Variants in CHRDL2 observed in about 807,000 individuals in gnomAD.
CHRDL2 encodes chordin-like protein 2.
Under a neutral mutation model 54.3 loss-of-function variants are expected in CHRDL2, and 41 were observed. That is an observed-to-expected ratio of 0.76 (90% CI 0.59 to 0.98). CHRDL2 has a LOEUF of 0.98. CHRDL2 is among the 50% of genes least tolerant of loss of function. The pLI, the probability that CHRDL2 is intolerant of heterozygous loss-of-function variation, is 0.00. For missense variants in CHRDL2, 518 were observed against 562.4 expected, an observed-to-expected ratio of 0.92 and a Z score of 0.80; for synonymous variants, 220 against 224.3, an observed-to-expected ratio of 0.98 and a Z score of 0.17.
At chr11:74,725,277 C>T (rs141571332) in intron 1 of CHRDL2, among the ~76,000 whole-genome samples, 2 of 152,316 alleles carry the variant, frequency 1.3e-5, no homozygotes, top group African/African-American at 4.8e-5. Context: ...AGGCGGGAGC[C>T]ACCACGCCCA....
intron 4 of CHRDL2, 103 bp from the exon 5 acceptor site, chr11:74,708,498 T>G: frequency 3.6e-6 from 3 of 825,786 alleles, no homozygotes; most frequent in Non-Finnish European, 5.5e-6. Flanking sequence ...TTGAGGTCTC[T>G]CCTATGGTGG....
intron 1 of CHRDL2, among the ~76,000 whole-genome samples, chr11:74,723,636 TC>T (rs2034529969): frequency 6.6e-6 from 1 of 152,202 alleles, no homozygotes; most frequent in Admixed American, 6.5e-5. Context: ...AAATAAGGGT[TC>T]CTTGAACACA....
intron 5 of CHRDL2, among the ~76,000 whole-genome samples, chr11:74,707,083 C>T (rs1310421422): frequency 2.0e-5 from 3 of 152,304 alleles, no homozygotes; most frequent in South Asian, 4.1e-4. Flanking sequence ...CACACAAAGC[C>T]GTTTGGAGCC....
At chr11:74,728,693 C>T (rs977066912) in intron 1 of CHRDL2, among the ~76,000 whole-genome samples, 1 of 152,116 alleles carries the variant, frequency 6.6e-6, no homozygotes, top group Non-Finnish European at 1.5e-5. Flanking sequence ...TTGTTCTTTT[C>T]TTTAATAAAT....
In CHRDL2 at chr11:74,708,403, A is replaced by G. The variant is rs747793399; in HGVS notation, c.433-8T>C. 1.0e-5 allele frequency: 16 copies of G among 1,561,602 alleles called. No homozygotes were observed. The East Asian group carries it at 3.9e-4, about 38-fold the overall frequency. ...GCAGTAGATCTGGCCCTCCTGACAGATAGAGCAAACCAGCTGGGAAATGAG... is the reference window on the plus strand; with the variant it reads ...GCAGTAGATCTGGCCCTCCTGACAGGTAGAGCAAACCAGCTGGGAAATGAG... On this transcript the variant is annotated splice_polypyrimidine_tract_variant and splice_region_variant and intron_variant, in intron 4 of 10. Coordinates refer to ENST00000376332, the MANE Select transcript of CHRDL2 (RefSeq NM_001278473.3).
chr11:74,729,949 T>A (rs2034626766), intron 1 of CHRDL2, among the ~76,000 whole-genome samples: 1 of 152,202 alleles, frequency 6.6e-6, no homozygotes, highest in Admixed American at 6.5e-5. Flanking sequence ...TGGAAAAGCA[T>A]AATTGGGAAC....
chr11:74,714,578 A>C (rs1279503295), intron 2 of CHRDL2, among the ~76,000 whole-genome samples: 1 of 152,238 alleles, frequency 6.6e-6, no homozygotes, highest in African/African-American at 2.4e-5. Flanking sequence ...CAAGATGGCC[A>C]GAGGTAATCG....
chr11:74,710,019 A>C (rs2034134127), intron 4 of CHRDL2, among the ~76,000 whole-genome samples: 1 of 152,122 alleles, frequency 6.6e-6, no homozygotes, highest in Non-Finnish European at 1.5e-5. Flanking sequence ...GATCGAGACC[A>C]TCCTGGCTAA....
In CHRDL2 at chr11:74,704,603, C is replaced by A. The variant is rs753372609; in HGVS notation, c.634G>T (p.Gly212Cys). ...CTGAGGCCAGTGGGGGCTGGGGTGC[C>A]CGGGCCTCTCTTTCTCCCAGCATCA... ...SSDAGRKRGP[G>C]TPAPTGLSAP... The change falls in exon 7 of 11, where the codon GGC (glycine) becomes TGC (cysteine). Residue 212 changes from glycine to cysteine, a missense_variant. Transcript: ENST00000376332. 3 of 1,602,492 alleles carry A rather than the reference C, an allele frequency of 1.9e-6. No individual in the cohort carries two copies. In the South Asian group the frequency reaches 3.4e-5, roughly 18 times the overall value.
In CHRDL2 at chr11:74,706,034, C is replaced by A. The variant is rs115073785; in HGVS notation, c.582+453G>T. Among the ~76,000 whole-genome samples, 517 of 152,236 alleles carry A rather than the reference C, an allele frequency of 3.4e-3. 3 individuals are homozygous for A. The highest frequency in any genetic ancestry group is 9.9e-3 in the African/African-American group (412 of 41,528). Reference sequence around the variant, plus strand: ...AGCTGTCCAGCTAAGCCCATCTTAACCTAGACCAAGCTTGAGAGGGGCCAA... The same window carrying A: ...AGCTGTCCAGCTAAGCCCATCTTAAACTAGACCAAGCTTGAGAGGGGCCAA... On this transcript the variant is annotated intron_variant, in intron 6 of 10. Coordinates refer to ENST00000376332, the MANE Select transcript of CHRDL2 (RefSeq NM_001278473.3).
chr11:74,703,071 A>G (rs986381222), intron 8 of CHRDL2, 104 bp from the exon 9 acceptor site: 1 of 1,208,278 alleles, frequency 8.3e-7, no homozygotes. Flanking sequence ...CCGGAACATT[A>G]CTGATTCTAT....
chr11:74,725,531 AAAATTTCC>A (rs1193787291), intron 1 of CHRDL2, among the ~76,000 whole-genome samples: 1 of 152,238 alleles, frequency 6.6e-6, no homozygotes, highest in African/African-American at 2.4e-5. Flanking sequence ...CGCATAAGTC[AAAATTTCC>A]AAACTGTCTC....
Position 74,702,890 on chromosome 11 carries a change from T to C in CHRDL2, c.1024A>G (p.Thr342Ala). The C allele has an allele frequency of 6.2e-7, 1 of 1,614,160 alleles. No homozygotes were observed. Among genetic ancestry groups the C allele is most frequent in the African/African-American group, 1.3e-5 (1 of 75,036 alleles). ...TTGTCTGGGCTTGGGGATACCGATG[T>C]GTGGACGAGGACCCGGCCCGGTGCC... ...PKAPGRVLVHTSVSPSPDNLR... is the reference protein window; with the variant it reads ...PKAPGRVLVHASVSPSPDNLR... Residue 342 changes from threonine (T) to alanine (A), a missense_variant, in exon 9 of 11, where the codon ACA becomes GCA. Transcript: ENST00000376332.
At chr11:74,729,413 G>A (rs1162708658) in intron 1 of CHRDL2, among the ~76,000 whole-genome samples, 1 of 152,214 alleles carries the variant, frequency 6.6e-6, no homozygotes, top group Non-Finnish European at 1.5e-5. Flanking sequence ...AGACAGATTA[G>A]GAAATTGAGG....
intron 1 of CHRDL2, among the ~76,000 whole-genome samples, chr11:74,728,241 T>TA (rs1196102821): frequency 6.6e-6 from 1 of 152,204 alleles, no homozygotes; most frequent in African/African-American, 2.4e-5. Flanking sequence ...AGGAGCCTGA[T>TA]ACCACACAGA....
rs776736799 is a variant in CHRDL2 at position 74,696,575 on chromosome 11, G to A, written c.1224C>T (p.Asn408=). The A allele has an allele frequency of 8.1e-6, 13 of 1,613,644 alleles. No individual in the cohort carries two copies. The highest frequency in any genetic ancestry group is 1.1e-5 in the Non-Finnish European group (13 of 1,179,810). The change falls in exon 11 of 11, where the codon AAC becomes AAT. Residue 408 remains asparagine, a synonymous_variant. Transcript: ENST00000376332. ...LLAGPHEGHW[N]VFLAQTLELK... ...GCTCCAGGGTCTGGGCTAGGAAGAC[G>A]TTCCAGTGACCTGCATGGAGGAGGG... is the stretch of plus-strand genomic sequence containing the variant.
At chr11:74,712,594 T>TC (rs1228790146) in intron 3 of CHRDL2, among the ~76,000 whole-genome samples, 1 of 151,360 alleles carries the variant, frequency 6.6e-6, no homozygotes, top group African/African-American at 2.4e-5. Context: ...CCTACTGGGC[T>TC]CCCCCCTGGA....
chr11:74,713,236 G>C, intron 3 of CHRDL2, 150 bp downstream of exon 3: 1 of 621,526 alleles, frequency 1.6e-6, no homozygotes, highest in South Asian at 2.1e-5. Context: ...TGGGGATCTG[G>C]GATATTTCCT....
chr11:74,699,852 G>T (rs2033742324), intron 9 of CHRDL2, among the ~76,000 whole-genome samples: 1 of 152,248 alleles, frequency 6.6e-6, no homozygotes, highest in Admixed American at 6.5e-5. Flanking sequence ...GACAGGGAGG[G>T]AACAGGGAGG....
Sources: allele counts gnomAD v4.1 joint callset (sites outside exome capture counted in the v4.1 genomes callset), GRCh38; gene constraint gnomAD v4.1.1; transcripts MANE v1.5; gene names NCBI Gene and HGNC (gene_info 2026-07-23, HGNC 2026-07-21).